SLC35F1: variants seen among roughly 807,000 people sequenced by gnomAD.
SLC35F1 encodes the protein solute carrier family 35 member F1.
In SLC35F1, 14 loss-of-function variants were observed where a neutral mutation model predicts 48.7. The ratio of observed to expected loss-of-function variants is 0.29; its 90% confidence interval spans 0.19 to 0.45. SLC35F1 has a LOEUF of 0.45. Ranked by LOEUF, SLC35F1 falls within the 20% of genes least tolerant of loss-of-function variation. The probability of loss-of-function intolerance (pLI) is 1.00; values close to 1 mark genes in which losing one functional copy is unlikely to be tolerated. For synonymous variants in SLC35F1, 190 were observed against 202.2 expected (o/e 0.94, Z 0.51); for missense variants, 404 against 500.0 (o/e 0.81, Z 1.83).
chr6:118,209,635 G>T (rs1235518662), intron 2 of SLC35F1, among the ~76,000 whole-genome samples: 1 of 151,920 alleles, frequency 6.6e-6, no homozygotes, highest in Non-Finnish European at 1.5e-5. Context: ...TTATAGAATA[G>T]TATTTCATTT....
chr6:118,149,282 G>A (rs914258156), intron 1 of SLC35F1, among the ~76,000 whole-genome samples: 1 of 152,134 alleles, frequency 6.6e-6, no homozygotes, highest in Non-Finnish European at 1.5e-5. Context: ...ATCTACCATA[G>A]CAGTTATCTA....
chr6:118,170,931 T>C (rs1263058698), intron 2 of SLC35F1, among the ~76,000 whole-genome samples: 2 of 152,226 alleles, frequency 1.3e-5, no homozygotes, highest in African/African-American at 4.8e-5. Context: ...TATTTATCTT[T>C]CATGGCATGT....
At chr6:118,182,154 T>C (rs1228269165) in intron 2 of SLC35F1, among the ~76,000 whole-genome samples, 1 of 152,012 alleles carries the variant, frequency 6.6e-6, no homozygotes, top group Non-Finnish European at 1.5e-5. Flanking sequence ...AAGTATAGAA[T>C]AGAATAAATT....
intron 1 of SLC35F1, among the ~76,000 whole-genome samples, chr6:118,001,363 T>A (rs1467062180): frequency 1.3e-5 from 2 of 152,176 alleles, no homozygotes; most frequent in African/African-American, 4.8e-5. Flanking sequence ...GATTCCCCAT[T>A]TAATAAATGG....
chr6:118,091,908 C>T (rs540214502), intron 1 of SLC35F1, among the ~76,000 whole-genome samples: 1 of 152,272 alleles, frequency 6.6e-6, no homozygotes, highest in African/African-American at 2.4e-5. Context: ...TGCGAAGAGA[C>T]TGGCAGCATT....
At chr6:118,053,155 T>C (rs1053786976) in intron 1 of SLC35F1, among the ~76,000 whole-genome samples, 1 of 152,152 alleles carries the variant, frequency 6.6e-6, no homozygotes, top group African/African-American at 2.4e-5. Flanking sequence ...TTAAATTAAA[T>C]GTTGATAATT....
intron 1 of SLC35F1, among the ~76,000 whole-genome samples, chr6:118,125,099 T>C (rs866729054): frequency 2.0e-5 from 3 of 152,200 alleles, no homozygotes; most frequent in Non-Finnish European, 4.4e-5. Context: ...TGTCTTAAAA[T>C]ATGCCGTGCT....
chr6:117,946,178 CT>C (rs34606985), intron 1 of SLC35F1, among the ~76,000 whole-genome samples: 12 of 151,342 alleles, frequency 7.9e-5, no homozygotes, highest in Admixed American at 4.0e-4. Flanking sequence ...TTTCCAGATA[CT>C]TTTTTTTTGG....
In SLC35F1 at chr6:118,081,868, A is replaced by T. The variant is rs189573933; in HGVS notation, c.174-72577A>T. On this transcript the variant is annotated intron_variant, in intron 1 of 7. Transcript: ENST00000360388. ...AATGGCTGTGAACATAGATTCACTG[A>T]GGGTGACTTGGCCCATGATTTACTC... 2.0e-5 allele frequency among the ~76,000 whole-genome samples: 3 copies of T among 152,320 alleles called. No homozygotes were observed. The East Asian group carries it at 5.8e-4, about 29-fold the overall frequency.
At chr6:118,286,229 C>T (rs1164277434) in intron 7 of SLC35F1, among the ~76,000 whole-genome samples, 1 of 152,170 alleles carries the variant, frequency 6.6e-6, no homozygotes, top group East Asian at 1.9e-4. Context: ...AAAAGAGACA[C>T]TACTCTGGCC....
intron 1 of SLC35F1, among the ~76,000 whole-genome samples, chr6:118,136,167 T>G (rs1245336758): frequency 6.6e-6 from 1 of 152,200 alleles, no homozygotes; most frequent in Non-Finnish European, 1.5e-5. Flanking sequence ...GGCCATGGTG[T>G]ACAGCATTTT....
intron 2 of SLC35F1, among the ~76,000 whole-genome samples, chr6:118,154,950 G>A (rs1774117758): frequency 6.6e-6 from 1 of 152,134 alleles, no homozygotes; most frequent in African/African-American, 2.4e-5. Flanking sequence ...GCCTGATGCA[G>A]ATATTCTAAA....
chr6:118,174,295 T>C (rs1023955696), intron 2 of SLC35F1, among the ~76,000 whole-genome samples: 1 of 152,142 alleles, frequency 6.6e-6, no homozygotes, highest in Non-Finnish European at 1.5e-5. Context: ...AACTTAACTA[T>C]GATAAAAATC....
intron 2 of SLC35F1, among the ~76,000 whole-genome samples, chr6:118,233,455 A>G (rs1775322173): frequency 6.6e-6 from 1 of 152,244 alleles, no homozygotes; most frequent in African/African-American, 2.4e-5. Flanking sequence ...CACATCTGCC[A>G]GCCTTCTCAT....
intron 7 of SLC35F1, among the ~76,000 whole-genome samples, chr6:118,311,312 C>A: frequency 6.6e-6 from 1 of 152,258 alleles, no homozygotes; most frequent in South Asian, 2.1e-4. Context: ...AAAGTTTGAA[C>A]TACTCCACTG....
intron 1 of SLC35F1, among the ~76,000 whole-genome samples, chr6:118,080,680 T>C (rs1444037627): frequency 6.6e-6 from 1 of 152,210 alleles, no homozygotes; most frequent in Non-Finnish European, 1.5e-5. Context: ...GCAGGGGCTC[T>C]TCTCGTTTGA....
intron 7 of SLC35F1, among the ~76,000 whole-genome samples, chr6:118,300,740 T>C (rs1471393538): frequency 6.6e-6 from 1 of 152,210 alleles, no homozygotes; most frequent in Non-Finnish European, 1.5e-5. Context: ...TCTTCACTCA[T>C]TAGATTGCTA....
At chr6:118,270,537 GT>G (rs1431333817) in intron 4 of SLC35F1, among the ~76,000 whole-genome samples, 11 of 152,188 alleles carry the variant, frequency 7.2e-5, no homozygotes, top group Non-Finnish European at 1.6e-4. Flanking sequence ...TTCTATGTTT[GT>G]CACCTGTACA....
intron 2 of SLC35F1, among the ~76,000 whole-genome samples, chr6:118,208,614 G>T (rs1419844850): frequency 6.6e-6 from 1 of 152,074 alleles, no homozygotes; most frequent in Non-Finnish European, 1.5e-5. Flanking sequence ...AATTATGAAA[G>T]TAATTCATGC....
Sources: gnomAD v4.1 joint callset for allele counts (sites outside exome capture counted in the v4.1 genomes callset) on GRCh38, gnomAD v4.1.1 for gene constraint, MANE v1.5 for transcripts, NCBI Gene and HGNC (gene_info 2026-07-23, HGNC 2026-07-21) for gene names.